BAIAP2: variants seen among roughly 807,000 people sequenced by gnomAD.
BAIAP2 encodes BAR/IMD domain-containing adapter protein 2.
Under a neutral mutation model 63.0 loss-of-function variants are expected in BAIAP2, and 18 were observed. That is an observed-to-expected ratio of 0.29 (90% CI 0.20 to 0.42). The LOEUF is 0.42. Among genes scored for constraint, BAIAP2 ranks in the 10% least tolerant of loss-of-function variants. The probability of loss-of-function intolerance (pLI) is 1.00; values close to 1 mark genes in which losing one functional copy is unlikely to be tolerated. For missense variants in BAIAP2, 610 were observed against 734.3 expected, an observed-to-expected ratio of 0.83 and a Z score of 1.96; for synonymous variants, 386 against 307.6, an observed-to-expected ratio of 1.25 and a Z score of -2.67.
At chr17:81,059,696 C>T (rs963203191) in intron 3 of BAIAP2, among the ~76,000 whole-genome samples, 1 of 152,214 alleles carries the variant, frequency 6.6e-6, no homozygotes, top group South Asian at 2.1e-4. Context: ...AGTGATCTTC[C>T]CACCTTAGCC....
At chr17:81,109,738 C>CG in intron 13 of BAIAP2, 1 of 985,406 alleles carries the variant, frequency 1.0e-6, no homozygotes, top group Non-Finnish European at 1.2e-6. Flanking sequence ...CGGGCACTGG[C>CG]GGGAGCAAGG....
chr17:81,099,491 T>A (rs1309722765), intron 6 of BAIAP2, among the ~76,000 whole-genome samples: 1 of 151,796 alleles, frequency 6.6e-6, no homozygotes. Flanking sequence ...CAGGTGAGAG[T>A]GCTCCAGGCA....
chr17:81,099,444 A>C (rs902939687), intron 6 of BAIAP2, among the ~76,000 whole-genome samples: 1 of 151,916 alleles, frequency 6.6e-6, no homozygotes, highest in African/African-American at 2.4e-5. Context: ...GAGATGGCTG[A>C]GATGGCTGAG....
chr17:81,053,503 AG>A, intron 1 of BAIAP2, 164 bp from the exon 2 acceptor site: 3 of 701,404 alleles, frequency 4.3e-6, no homozygotes, highest in East Asian at 2.6e-5. Context: ...GACATTGATC[AG>A]GGGCATGGCT....
intron 13 of BAIAP2, among the ~76,000 whole-genome samples, chr17:81,112,631 G>A (rs779800521): frequency 1.3e-5 from 2 of 152,236 alleles, no homozygotes; most frequent in Non-Finnish European, 2.9e-5. Flanking sequence ...CAGCTGACGC[G>A]AGAAGACAGA....
At position 81,043,080 on chromosome 17, in the gene BAIAP2, T is replaced by C. The variant is rs145633848; in HGVS notation, c.54+7772T>C. Among the ~76,000 whole-genome samples the C allele has an allele frequency of 6.0e-3, 917 of 152,234 alleles. 11 individuals carry two copies. Among genetic ancestry groups the C allele is most frequent in the African/African-American group, 0.02 (822 of 41,530 alleles). On this transcript the variant is annotated intron_variant, in intron 1 of 13. Coordinates refer to ENST00000428708, the MANE Select transcript of BAIAP2 (RefSeq NM_001144888.2). ...TGGGGTTTCACCATGTTGCCCAGGCTGGTCTTTAACACCTGGGGTCAAATG... is the reference window on the plus strand; with the variant it reads ...TGGGGTTTCACCATGTTGCCCAGGCCGGTCTTTAACACCTGGGGTCAAATG...
rs968656537 is a variant in BAIAP2 at position 81,056,667 on chromosome 17, G to A, written c.131-1214G>A. On this transcript the variant is annotated intron_variant, in intron 2 of 13. Transcript: ENST00000428708. Reference sequence around the variant, plus strand: ...CTGTTTGGTTCCTCATGAGGGTGGCGGGGCTGAGTGTGGAGACTTGGAGCT... The same window carrying A: ...CTGTTTGGTTCCTCATGAGGGTGGCAGGGCTGAGTGTGGAGACTTGGAGCT... 3.3e-5 allele frequency among the ~76,000 whole-genome samples: 5 copies of A among 152,206 alleles called. 1 individual carries two copies. The highest frequency in any genetic ancestry group is 4.1e-4 in the South Asian group (2 of 4,838).
In BAIAP2 at chr17:81,035,183, T is replaced by A; in HGVS notation, c.-72T>A. ...GGGTCCGCTTTCGTCTCCGTCCTGC[T>A]GCCGTTACCGCCGCTGCTGCCGCCG... On this transcript the variant is annotated 5_prime_UTR_variant, in exon 1 of 14. Coordinates refer to ENST00000428708, the MANE Select transcript of BAIAP2 (RefSeq NM_001144888.2). The A allele has an allele frequency of 3.1e-6, 4 of 1,300,024 alleles. No homozygotes were observed. In the East Asian group the frequency reaches 1.0e-4, roughly 32 times the overall value. 80.5% of individuals were successfully genotyped at this position (1,300,024 alleles called of 1,614,324 possible).
chr17:81,051,856 A>C (rs552051461), intron 1 of BAIAP2, among the ~76,000 whole-genome samples: 5 of 152,084 alleles, frequency 3.3e-5, no homozygotes, highest in Non-Finnish European at 5.9e-5. Flanking sequence ...CACCCAGCTA[A>C]TTTTTAAATT....
intron 13 of BAIAP2, among the ~76,000 whole-genome samples, chr17:81,113,712 A>AC (rs2060175139): frequency 6.6e-6 from 1 of 151,934 alleles, no homozygotes; most frequent in Non-Finnish European, 1.5e-5. Context: ...ATGGTTCAGC[A>AC]CGCTCCACCT....
At chr17:81,064,180 C>T (rs917226869) in intron 3 of BAIAP2, among the ~76,000 whole-genome samples, 1 of 152,256 alleles carries the variant, frequency 6.6e-6, no homozygotes, top group Admixed American at 6.5e-5. Flanking sequence ...TTTCATTCTT[C>T]GCACCTTTTC....
chr17:81,059,257 A>C (rs894323159), intron 3 of BAIAP2, among the ~76,000 whole-genome samples: 2 of 152,106 alleles, frequency 1.3e-5, no homozygotes, highest in African/African-American at 2.4e-5. Context: ...GGAGAGGAGG[A>C]GGCACTCTGG....
intron 1 of BAIAP2, 127 bp from the exon 2 acceptor site, chr17:81,053,541 T>G: frequency 5.6e-5 from 53 of 952,078 alleles, no homozygotes; most frequent in Non-Finnish European, 8.1e-5. Flanking sequence ...AAGCCCACCT[T>G]GAGCATTTGT....
chr17:81,093,039 T>G (rs12937176), intron 6 of BAIAP2, among the ~76,000 whole-genome samples: 23,751 of 150,680 alleles, frequency 0.16, 2,445 homozygotes, highest in Non-Finnish European at 0.22. Context: ...CCATCCTGCA[T>G]CTGGAACCCA....
At chr17:81,063,355 A>G (rs947643498) in intron 3 of BAIAP2, among the ~76,000 whole-genome samples, 8 of 152,180 alleles carry the variant, frequency 5.3e-5, no homozygotes, top group African/African-American at 1.9e-4. Flanking sequence ...TGTTCTTGCC[A>G]CACGCGGATG....
intron 13 of BAIAP2, chr17:81,108,829 C>G: frequency 7.4e-7 from 1 of 1,349,474 alleles, no homozygotes; most frequent in South Asian, 1.5e-5. Context: ...TGTGCTCCGC[C>G]CTTGTCCTGG....
Position 81,038,905 on chromosome 17 carries a change from G to C in BAIAP2, c.54+3597G>C, listed in dbSNP as rs1000707309. Among the ~76,000 whole-genome samples the C allele has an allele frequency of 3.6e-3, 547 of 152,156 alleles. 7 individuals are homozygous for C. Among genetic ancestry groups the C allele is most frequent in the African/African-American group, 0.013 (526 of 41,486 alleles). Reference sequence around the variant, plus strand: ...ATTGGAGTCGCCTTCCTGGGTGGGGGGGGCAGCAGACCCGGCACCTGAGGA... The same window carrying C: ...ATTGGAGTCGCCTTCCTGGGTGGGGCGGGCAGCAGACCCGGCACCTGAGGA... On this transcript the variant is annotated intron_variant, in intron 1 of 13. Transcript: ENST00000428708.
intron 3 of BAIAP2, among the ~76,000 whole-genome samples, chr17:81,082,573 A>T (rs1270071135): frequency 6.6e-6 from 1 of 152,194 alleles, no homozygotes; most frequent in Non-Finnish European, 1.5e-5. Flanking sequence ...CAGGCCTAGC[A>T]CTACTTTTAG....
chr17:81,109,946 C>T (rs1291739167), intron 13 of BAIAP2: 3 of 985,442 alleles, frequency 3.0e-6, no homozygotes, highest in Non-Finnish European at 1.2e-6. Flanking sequence ...CCACGCCCCC[C>T]ACCTGGGGGA....
Sources: allele counts gnomAD v4.1 joint callset (sites outside exome capture counted in the v4.1 genomes callset), GRCh38; gene constraint gnomAD v4.1.1; transcripts MANE v1.5; gene names NCBI Gene and HGNC (gene_info 2026-07-23, HGNC 2026-07-21).